Variants in PRPSAP1 observed in about 807,000 individuals in gnomAD.
PRPSAP1 encodes phosphoribosyl pyrophosphate synthetase associated protein 1.
In PRPSAP1, 31 loss-of-function variants were observed where a neutral mutation model predicts 39.4. The observed-to-expected ratio is 0.79, with a 90% CI of 0.59 to 1.06. The LOEUF is 1.06. Ranked by LOEUF, PRPSAP1 falls within the 50% of genes least tolerant of loss-of-function variation. The pLI is 0.00. For missense variants in PRPSAP1, 430 were observed against 511.6 expected (o/e 0.84, Z 1.54); for synonymous variants, 212 against 192.6 (o/e 1.10, Z -0.83).
chr17:76,350,792 G>A (rs972085623), intron 1 of PRPSAP1, among the ~76,000 whole-genome samples: 3 of 152,226 alleles, frequency 2.0e-5, no homozygotes, highest in Non-Finnish European at 4.4e-5. Context: ...CGGCACTTCG[G>A]GAGGCCAAGG....
rs73996351 is a variant in PRPSAP1, at chr17:76,343,244, C to T, written c.290+1427G>A. 9.9e-3 allele frequency among the ~76,000 whole-genome samples: 1,507 copies of T among 152,296 alleles called. 25 individuals are homozygous for T. The highest frequency in any genetic ancestry group is 0.033 in the African/African-American group (1,375 of 41,548). ...GTGTAATGGCCCACTCCCTGTCAGG[C>T]GATGAGAAAGGAGATAGTCCCATAG... is the stretch of plus-strand genomic sequence containing the variant. On this transcript the variant is annotated intron_variant, in intron 3 of 9. Transcript: ENST00000446526.
chr17:76,349,467 A>C (rs190450236), intron 1 of PRPSAP1, among the ~76,000 whole-genome samples: 1 of 152,210 alleles, frequency 6.6e-6, no homozygotes, highest in South Asian at 2.1e-4. Flanking sequence ...TAATCTATTT[A>C]AAAATATTCC....
Position 76,310,879 on chromosome 17 carries a change from C to G in PRPSAP1, c.*663G>C, listed in dbSNP as rs533647417. 1.3e-5 allele frequency: 2 copies of G among 152,114 alleles called. No individual in the cohort carries two copies. Among genetic ancestry groups the G allele is most frequent in the South Asian group, 4.2e-4 (2 of 4,814 alleles). The allele number at this position is 152,114 out of a possible 1,614,324, so 9.4% of individuals were successfully genotyped here. A position where few individuals can be genotyped will look rare whatever the true frequency, so the allele number is the denominator to read the frequency against. ...AAAGTGTTTGTGTCCAGCCACAGAC[C>G]TGACTGCTGTTCTGTATCCATGGTC... is the stretch of plus-strand genomic sequence containing the variant. On this transcript the variant is annotated 3_prime_UTR_variant, in exon 10 of 10. Transcript: ENST00000446526.
Position 76,353,605 on chromosome 17 carries a change from A to T in PRPSAP1, c.99T>A (p.Ala33=). The change falls in exon 1 of 10, where the codon GCT becomes GCA. Residue 33 remains alanine, a synonymous_variant. Transcript: ENST00000446526. The part of the protein sequence containing the change: ...RPVPPPAMNA[A]RTGYRVFSAN... Reference sequence around the variant, plus strand: ...CCGAGAAGACTCGGTAGCCGGTGCGAGCGGCGTTCATGGCCGGCGGGGGAA... The same window carrying T: ...CCGAGAAGACTCGGTAGCCGGTGCGTGCGGCGTTCATGGCCGGCGGGGGAA... 5.8e-6 allele frequency: 9 copies of T among 1,558,194 alleles called. No individual in the cohort carries two copies. The highest frequency in any genetic ancestry group is 7.8e-6 in the Non-Finnish European group (9 of 1,157,348).
At chr17:76,334,159 G>A (rs1206840227) in intron 3 of PRPSAP1, among the ~76,000 whole-genome samples, 1 of 152,014 alleles carries the variant, frequency 6.6e-6, no homozygotes, top group African/African-American at 2.4e-5. Context: ...GACTATCCAC[G>A]CATCCTCAAA....
intron 7 of PRPSAP1, among the ~76,000 whole-genome samples, chr17:76,327,279 C>T (rs944020815): frequency 3.9e-5 from 6 of 151,942 alleles, no homozygotes; most frequent in South Asian, 4.2e-4. Context: ...ACCCAAGAGG[C>T]GGAGGCTGCA....
chr17:76,341,254 T>C (rs1225778568), intron 3 of PRPSAP1, among the ~76,000 whole-genome samples: 1 of 92,146 alleles, frequency 1.1e-5, no homozygotes, highest in Non-Finnish European at 2.2e-5. Context: ...TTTTTTTTTT[T>C]TGAGATAAGA....
upstream of PRPSAP1, chr17:76,353,921 CCA>C: frequency 1.5e-6 from 2 of 1,321,654 alleles, no homozygotes; most frequent in Non-Finnish European, 1.9e-6. Flanking sequence ...AGAGGCAAGG[CCA>C]CCGCCCCCTC....
At chr17:76,335,601 C>T (rs981913846) in intron 3 of PRPSAP1, among the ~76,000 whole-genome samples, 2 of 151,996 alleles carry the variant, frequency 1.3e-5, no homozygotes, top group Non-Finnish European at 2.9e-5. Flanking sequence ...GTGATCCAAC[C>T]GCCTCGGCCT....
At chr17:76,322,726 C>T (rs1398164745) in intron 7 of PRPSAP1, among the ~76,000 whole-genome samples, 2 of 152,020 alleles carry the variant, frequency 1.3e-5, no homozygotes, top group Non-Finnish European at 2.9e-5. Context: ...TGGCTCATAC[C>T]TCTAATCCTA....
At chr17:76,344,346 G>T (rs1416472933) in intron 3 of PRPSAP1, among the ~76,000 whole-genome samples, 2 of 152,104 alleles carry the variant, frequency 1.3e-5, no homozygotes, top group African/African-American at 4.8e-5. Context: ...AGCCAGGATG[G>T]TCTCGATCTC....
In PRPSAP1 at chr17:76,332,485, T is replaced by C. The variant is rs112057478; in HGVS notation, c.291-50A>G. ...GGGGATTAATTCCATGTATCAACCC[T>C]AGAAAAGATCTTGACTTTATCAACT... On this transcript the variant is annotated intron_variant, in intron 3 of 9. Transcript: ENST00000446526. The C allele has an allele frequency of 1.4e-4, 218 of 1,598,420 alleles. No homozygotes were observed. In the African/African-American group the frequency reaches 2.5e-3, roughly 18 times the overall value.
Position 76,353,515 on chromosome 17 carries a change from C to T in PRPSAP1, c.170+19G>A. On this transcript the variant is annotated intron_variant, in intron 1 of 9. Coordinates refer to ENST00000446526, the MANE Select transcript of PRPSAP1 (RefSeq NM_002766.3). Reference sequence around the variant, plus strand: ...TAGGCGCCGCCGCCCCCGGCCCGGCCCTCCCACCGCCCCCTTACTCTGTGA... The same window carrying T: ...TAGGCGCCGCCGCCCCCGGCCCGGCTCTCCCACCGCCCCCTTACTCTGTGA... 6.7e-7 allele frequency: 1 copy of T among 1,484,510 alleles called. No individual in the cohort carries two copies. Among genetic ancestry groups the T allele is most frequent in the Non-Finnish European group, 8.9e-7 (1 of 1,121,644 alleles). 92.0% of individuals were successfully genotyped at this position (1,484,510 alleles called of 1,614,324 possible).
At chr17:76,324,912 A>T (rs2071236530) in intron 7 of PRPSAP1, among the ~76,000 whole-genome samples, 1 of 147,870 alleles carries the variant, frequency 6.8e-6, no homozygotes, top group Non-Finnish European at 1.5e-5. Context: ...ATACAAAAAA[A>T]AAAAAATTAG....
At chr17:76,323,340 T>G (rs1262290443) in intron 7 of PRPSAP1, among the ~76,000 whole-genome samples, 1 of 144,410 alleles carries the variant, frequency 6.9e-6, no homozygotes, top group Non-Finnish European at 1.5e-5. Flanking sequence ...AGACTCTGTA[T>G]CAAAAAAAAA....
At position 76,353,871 on chromosome 17, in the gene PRPSAP1, G is replaced by A. The variant is rs2071612820; in HGVS notation, c.-168C>T. On this transcript the variant is annotated 5_prime_UTR_variant, in exon 1 of 10. Coordinates refer to ENST00000446526, the MANE Select transcript of PRPSAP1 (RefSeq NM_002766.3). ...GCACCCCACACCACTGACTACAGCG[G>A]CCGAGCCTTCGCAGCGCCCGGCGCC... 2 of 1,324,396 alleles carry A rather than the reference G, an allele frequency of 1.5e-6. No homozygotes were observed. Among genetic ancestry groups the A allele is most frequent in the South Asian group, 4.1e-5 (2 of 49,250 alleles). The allele number at this position is 1,324,396 out of a possible 1,614,324, so 82.0% of individuals were successfully genotyped here. A position where few individuals can be genotyped will look rare whatever the true frequency, so the allele number is the denominator to read the frequency against.
chr17:76,342,455 T>C (rs549901446), intron 3 of PRPSAP1, among the ~76,000 whole-genome samples: 1 of 152,312 alleles, frequency 6.6e-6, no homozygotes, highest in African/African-American at 2.4e-5. Flanking sequence ...GGTTCATGTC[T>C]GTAATCCCAG....
chr17:76,348,015 T>G (rs1007959823), intron 2 of PRPSAP1, among the ~76,000 whole-genome samples: 1 of 152,104 alleles, frequency 6.6e-6, no homozygotes, highest in Non-Finnish European at 1.5e-5. Flanking sequence ...AAAAAATATT[T>G]GCATTTTAGA....
intron 3 of PRPSAP1, among the ~76,000 whole-genome samples, chr17:76,337,600 ATT>A (rs947322592): frequency 2.0e-5 from 3 of 152,196 alleles, no homozygotes; most frequent in Admixed American, 6.6e-5. Context: ...GCAGCTGGGA[ATT>A]TTTTGTTGTT....
Sources: gnomAD v4.1 joint callset for allele counts (sites outside exome capture counted in the v4.1 genomes callset) on GRCh38, gnomAD v4.1.1 for gene constraint, MANE v1.5 for transcripts, NCBI Gene and HGNC (gene_info 2026-07-23, HGNC 2026-07-21) for gene names.